The following ABCD2 variants were observed in gnomAD, a reference collection of about 807,000 sequenced individuals.
The protein encoded by ABCD2 is ATP binding cassette subfamily D member 2.
A neutral mutation model predicts 70.9 loss-of-function variants in ABCD2; 36 were observed. That is an observed-to-expected ratio of 0.51 (90% CI 0.39 to 0.67). ABCD2 has a LOEUF of 0.67. Among genes scored for constraint, ABCD2 ranks in the 30% least tolerant of loss-of-function variants. ABCD2 has a pLI of 0.00. For synonymous variants in ABCD2, 304 were observed against 306.9 expected (o/e 0.99, Z 0.10); for missense variants, 729 against 890.2 (o/e 0.82, Z 2.30).
the ABCD2 span, among the ~76,000 whole-genome samples, chr12:39,543,187 C>T: frequency 1.3e-5 from 2 of 152,012 alleles, no homozygotes; most frequent in Non-Finnish European, 2.9e-5. Flanking sequence ...AATTTTTCAT[C>T]CCATTATAAG....
At chr12:39,572,654 G>T (rs769910263) in intron 9 of ABCD2, among the ~76,000 whole-genome samples, 1 of 152,050 alleles carries the variant, frequency 6.6e-6, no homozygotes, top group Non-Finnish European at 1.5e-5. Flanking sequence ...TCTTTATAAG[G>T]TCAAAGGTCT....
At chr12:39,580,431 A>G (rs1941581416) in intron 7 of ABCD2, among the ~76,000 whole-genome samples, 3 of 152,232 alleles carry the variant, frequency 2.0e-5, no homozygotes, top group Non-Finnish European at 2.9e-5. Context: ...GTATATTAAT[A>G]TGAAAATGTG....
At chr12:39,566,685 T>C (rs1397566860) in intron 9 of ABCD2, among the ~76,000 whole-genome samples, 1 of 152,228 alleles carries the variant, frequency 6.6e-6, no homozygotes, top group Non-Finnish European at 1.5e-5. Flanking sequence ...TTTGAATGTG[T>C]TTGCTCTTGC....
the ABCD2 span, among the ~76,000 whole-genome samples, chr12:39,541,208 C>T: frequency 6.6e-6 from 1 of 151,892 alleles, no homozygotes; most frequent in Admixed American, 6.6e-5. Flanking sequence ...TACGTTTGCA[C>T]CAACCTAATA....
At chr12:39,613,802 T>C (rs1280032245) in intron 2 of ABCD2, among the ~76,000 whole-genome samples, 4 of 152,254 alleles carry the variant, frequency 2.6e-5, no homozygotes, top group Admixed American at 6.5e-5. Context: ...CCATGTTGTA[T>C]ATGTGATTTT....
chr12:39,534,918 A>T, the ABCD2 span, among the ~76,000 whole-genome samples: 1 of 119,644 alleles, frequency 8.4e-6, no homozygotes, highest in Admixed American at 8.1e-5. Context: ...GAAAGAAAGA[A>T]AGAAAGAAAG....
intron 9 of ABCD2, among the ~76,000 whole-genome samples, chr12:39,564,549 A>G (rs923214734): frequency 7.9e-5 from 12 of 152,244 alleles, no homozygotes; most frequent in Non-Finnish European, 1.5e-4. Flanking sequence ...AGATGAGTAG[A>G]TTGCAAAAAT....
chr12:39,551,369 A>G lies in ABCD2; in HGVS notation c.*2543T>C, dbSNP rs1371667077. On this transcript the variant is annotated 3_prime_UTR_variant, in exon 10 of 10. Coordinates refer to ENST00000308666, the MANE Select transcript of ABCD2 (RefSeq NM_005164.4). ...TGGTAAAAGTAGTTTGAAACTTGAAATATTCTTTCTTTTTTCCTTTCCTCA... is the reference window on the plus strand; with the variant it reads ...TGGTAAAAGTAGTTTGAAACTTGAAGTATTCTTTCTTTTTTCCTTTCCTCA... 1 of 151,706 alleles carries G rather than the reference A, an allele frequency of 6.6e-6. No homozygotes were observed. The highest frequency in any genetic ancestry group is 1.5e-5 in the Non-Finnish European group (1 of 67,666). The allele number at this position is 151,706 out of a possible 1,614,324, so 9.4% of individuals were successfully genotyped here.
chr12:39,538,167 C>CG, the ABCD2 span, among the ~76,000 whole-genome samples: 7 of 142,854 alleles, frequency 4.9e-5, no homozygotes, highest in African/African-American at 1.9e-4. Context: ...CATTTTCTTT[C>CG]TTTCTTTTTT....
At chr12:39,533,168 A>G in the ABCD2 span, among the ~76,000 whole-genome samples, 1 of 152,188 alleles carries the variant, frequency 6.6e-6, no homozygotes, top group Non-Finnish European at 1.5e-5. Context: ...TCTGTCTCAA[A>G]AAAAAACAAA....
At chr12:39,605,335 G>A (rs1306250677) in intron 3 of ABCD2, among the ~76,000 whole-genome samples, 1 of 151,910 alleles carries the variant, frequency 6.6e-6, no homozygotes, top group Non-Finnish European at 1.5e-5. Flanking sequence ...TTAAGTAGGA[G>A]AAAAGTACCT....
At chr12:39,533,979 G>C in the ABCD2 span, among the ~76,000 whole-genome samples, 1 of 152,230 alleles carries the variant, frequency 6.6e-6, no homozygotes, top group Non-Finnish European at 1.5e-5. Flanking sequence ...CATGTGAATA[G>C]TGTGCTTTGC....
chr12:39,537,708 A>G, the ABCD2 span, among the ~76,000 whole-genome samples: 1 of 152,206 alleles, frequency 6.6e-6, no homozygotes, highest in Non-Finnish European at 1.5e-5. Flanking sequence ...GAAACAACCA[A>G]AAGTCCAGTC....
At chr12:39,600,521 T>A in intron 6 of ABCD2, 50 bp downstream of exon 6, 1 of 1,481,592 alleles carries the variant, frequency 6.7e-7, no homozygotes, top group Non-Finnish European at 9.1e-7. Context: ...ATCAAGACAA[T>A]TCAAGAGCAA....
chr12:39,588,681 G>A (rs1941700817), intron 6 of ABCD2, among the ~76,000 whole-genome samples: 1 of 151,774 alleles, frequency 6.6e-6, no homozygotes, highest in Admixed American at 6.6e-5. Context: ...AATACAAGTA[G>A]TATTTCTGTA....
At chr12:39,588,563 A>T (rs1941698613) in intron 6 of ABCD2, among the ~76,000 whole-genome samples, 1 of 152,196 alleles carries the variant, frequency 6.6e-6, no homozygotes, top group Admixed American at 6.5e-5. Context: ...GAGCCTTCAG[A>T]GGGCGTGGAT....
intron 2 of ABCD2, among the ~76,000 whole-genome samples, chr12:39,610,294 T>A (rs1248521245): frequency 3.3e-5 from 5 of 152,188 alleles, no homozygotes; most frequent in Non-Finnish European, 7.4e-5. Context: ...GCCTTACTGA[T>A]AATCACTCCT....
chr12:39,569,666 G>A (rs569743855), intron 9 of ABCD2, among the ~76,000 whole-genome samples: 4 of 152,148 alleles, frequency 2.6e-5, no homozygotes, highest in African/African-American at 9.7e-5. Context: ...CCAGTGAGAT[G>A]AACCCGGTAC....
At chr12:39,597,886 T>C (rs1941840625) in intron 6 of ABCD2, among the ~76,000 whole-genome samples, 1 of 152,188 alleles carries the variant, frequency 6.6e-6, no homozygotes, top group Non-Finnish European at 1.5e-5. Flanking sequence ...ATTCTTGAAC[T>C]GAAGCTGAGA....
Sources: allele counts gnomAD v4.1 joint callset (sites outside exome capture counted in the v4.1 genomes callset), GRCh38; gene constraint gnomAD v4.1.1; transcripts MANE v1.5; gene names NCBI Gene and HGNC (gene_info 2026-07-23, HGNC 2026-07-21).